The following HERC3 variants were observed in gnomAD, a reference collection of about 807,000 sequenced individuals.
HERC3 encodes probable E3 ubiquitin-protein ligase HERC3.
Under a neutral mutation model 129.9 loss-of-function variants are expected in HERC3, and 58 were observed. The observed-to-expected ratio is 0.45, with a 90% CI of 0.36 to 0.56. HERC3 has a LOEUF of 0.56. Ranked by LOEUF, HERC3 falls within the 20% of genes least tolerant of loss-of-function variation. HERC3 has a pLI of 0.00. For synonymous variants in HERC3, 430 were observed against 451.0 expected, an observed-to-expected ratio of 0.95 and a Z score of 0.59; for missense variants, 835 against 1,244.2, an observed-to-expected ratio of 0.67 and a Z score of 4.95.
At chr4:88,557,014 C>T in the HERC3 span, among the ~76,000 whole-genome samples, 1 of 152,130 alleles carries the variant, frequency 6.6e-6, no homozygotes, top group Non-Finnish European at 1.5e-5. Context: ...TGCAGTTCTG[C>T]AAAATGACCA....
chr4:88,680,940 G>C, intron 20 of HERC3: 1 of 846,336 alleles, frequency 1.2e-6, no homozygotes, highest in South Asian at 5.4e-5. Context: ...ACTGTGAGCT[G>C]TTCTCTGTAT....
intron 2 of HERC3, among the ~76,000 whole-genome samples, chr4:88,603,803 C>A (rs1302029817): frequency 2.6e-5 from 4 of 152,248 alleles, no homozygotes; most frequent in Admixed American, 6.5e-5. Context: ...GATACCTTTC[C>A]CATATTAAAC....
chr4:88,561,173 G>T, the HERC3 span, among the ~76,000 whole-genome samples: 25,063 of 151,940 alleles, frequency 0.16, 2,365 homozygotes, highest in Admixed American at 0.25. Context: ...ATGTGTGACC[G>T]CATTGACACA....
chr4:88,697,058 T>G (rs1344268541), intron 23 of HERC3: 1 of 729,372 alleles, frequency 1.4e-6, no homozygotes, highest in Non-Finnish European at 2.1e-6. Context: ...CTAATTGCTT[T>G]AATTTAATCT....
At chr4:88,578,972 G>C in the HERC3 span, among the ~76,000 whole-genome samples, 79 of 152,136 alleles carry the variant, frequency 5.2e-4, no homozygotes, top group Non-Finnish European at 9.1e-4. Context: ...TGAAGTCATG[G>C]AAGAGGTGGG....
chr4:88,593,011 C>T (rs1487359790), intron 1 of HERC3, among the ~76,000 whole-genome samples: 3 of 152,118 alleles, frequency 2.0e-5, no homozygotes, highest in African/African-American at 7.2e-5. Context: ...CCAGGGACCT[C>T]CGTGCAGTGA....
chr4:88,538,524 A>G, the HERC3 span, among the ~76,000 whole-genome samples: 7 of 147,740 alleles, frequency 4.7e-5, no homozygotes, highest in African/African-American at 1.5e-4. Context: ...CTCTCTGTAC[A>G]TGTCTGTGTC....
chr4:88,597,946 C>G (rs1722574158), intron 2 of HERC3: 1 of 152,298 alleles, frequency 6.6e-6, no homozygotes, highest in Admixed American at 6.5e-5. Flanking sequence ...TTCTTTGTTA[C>G]CAGAGTTAAT....
At chr4:88,644,201 C>A (rs1728449942) in intron 3 of HERC3, among the ~76,000 whole-genome samples, 1 of 152,102 alleles carries the variant, frequency 6.6e-6, no homozygotes, top group Non-Finnish European at 1.5e-5. Context: ...GATGGCCATT[C>A]TGGAAAATGA....
At chr4:88,604,054 C>G (rs1338726096) in intron 2 of HERC3, among the ~76,000 whole-genome samples, 1 of 150,752 alleles carries the variant, frequency 6.6e-6, no homozygotes, top group Non-Finnish European at 1.5e-5. Context: ...GAATTTTGCT[C>G]TTATTGCCCA....
intron 2 of HERC3, among the ~76,000 whole-genome samples, chr4:88,604,314 T>A (rs1378883469): frequency 2.0e-5 from 3 of 152,256 alleles, no homozygotes; most frequent in African/African-American, 7.2e-5. Context: ...CCACTACGCC[T>A]GGCCTAAAAT....
the HERC3 span, among the ~76,000 whole-genome samples, chr4:88,550,229 A>G: frequency 6.6e-6 from 1 of 152,204 alleles, no homozygotes; most frequent in Non-Finnish European, 1.5e-5. Context: ...GGCACAAGAC[A>G]GGGATGCCCT....
At chr4:88,695,371 T>A (rs924595913) in intron 23 of HERC3, among the ~76,000 whole-genome samples, 2 of 152,192 alleles carry the variant, frequency 1.3e-5, no homozygotes, top group African/African-American at 4.8e-5. Flanking sequence ...TCTGATTTTT[T>A]AATTTTTCTG....
chr4:88,587,083 C>G, the HERC3 span, among the ~76,000 whole-genome samples: 5 of 152,284 alleles, frequency 3.3e-5, 1 homozygote, highest in African/African-American at 1.2e-4. Context: ...GCAGATTTCA[C>G]TGGGCTTTTA....
chr4:88,680,191 G>C lies in HERC3; in HGVS notation c.2295G>C (p.Met765Ile), dbSNP rs1279460800. The change falls in exon 20 of 26, where the codon ATG (methionine) becomes ATC (isoleucine). Residue 765 changes from methionine (M) to isoleucine (I), a missense_variant. By Grantham distance (10) the Met-to-Ile change is conservative. Transcript: ENST00000402738. Reference sequence around the variant, plus strand: ...AACTTTTGAATCCCATCTATGGAATGTTTACCTACTATCAAGATTCAAATC... The same window carrying C: ...AACTTTTGAATCCCATCTATGGAATCTTTACCTACTATCAAGATTCAAATC... ...LKELLNPIYG[M>I]FTYYQDSNLL... 2 of 1,611,592 alleles carry C rather than the reference G, an allele frequency of 1.2e-6. No homozygotes were observed. The highest frequency in any genetic ancestry group is 1.7e-6 in the Non-Finnish European group (2 of 1,179,098).
the HERC3 span, among the ~76,000 whole-genome samples, chr4:88,552,412 G>T: frequency 6.6e-6 from 1 of 151,986 alleles, no homozygotes; most frequent in Non-Finnish European, 1.5e-5. Context: ...GCCACCATGC[G>T]TGGCTAATTT....
intron 16 of HERC3, among the ~76,000 whole-genome samples, chr4:88,672,174 A>G (rs184840950): frequency 6.6e-6 from 1 of 152,322 alleles, no homozygotes; most frequent in East Asian, 1.9e-4. Flanking sequence ...AGTCTAACAA[A>G]TTGTAATTCT....
intron 3 of HERC3, among the ~76,000 whole-genome samples, chr4:88,612,849 A>G (rs752648403): frequency 6.6e-5 from 10 of 151,904 alleles, no homozygotes; most frequent in Non-Finnish European, 1.3e-4. Context: ...TTTTTCCTGA[A>G]TGTTATTTTT....
intron 18 of HERC3, among the ~76,000 whole-genome samples, chr4:88,677,113 C>T (rs922173675): frequency 6.0e-5 from 9 of 151,092 alleles, no homozygotes; most frequent in South Asian, 2.1e-4. Context: ...CCAGCCTGGG[C>T]GACAGAGCAA....
Sources: gnomAD v4.1 joint callset for allele counts (sites outside exome capture counted in the v4.1 genomes callset) on GRCh38, gnomAD v4.1.1 for gene constraint, MANE v1.5 for transcripts, NCBI Gene and HGNC (gene_info 2026-07-23, HGNC 2026-07-21) for gene names.